The following RGS6 variants were observed in gnomAD, a reference collection of about 807,000 sequenced individuals.
The protein encoded by RGS6 is regulator of G-protein signaling 6.
In RGS6, 30 loss-of-function variants were observed where a neutral mutation model predicts 78.5. The observed-to-expected ratio is 0.38, with a 90% CI of 0.29 to 0.52. The LOEUF (loss-of-function observed/expected upper bound fraction) is 0.52, where lower values mean the gene tolerates loss of function less well. Ranked by LOEUF, RGS6 falls within the 20% of genes least tolerant of loss-of-function variation. The probability of loss-of-function intolerance (pLI) is 0.85; values close to 1 mark genes in which losing one functional copy is unlikely to be tolerated. For missense variants in RGS6, 495 were observed against 609.7 expected, an observed-to-expected ratio of 0.81 and a Z score of 1.98; for synonymous variants, 206 against 206.0, an observed-to-expected ratio of 1.00 and a Z score of 0.00.
At chr14:72,278,915 G>A (rs1567647877) in intron 2 of RGS6, among the ~76,000 whole-genome samples, 1 of 152,070 alleles carries the variant, frequency 6.6e-6, no homozygotes, top group Admixed American at 6.5e-5. Context: ...CTGGCTGTGG[G>A]CAGTGCCCTC....
intron 3 of RGS6, among the ~76,000 whole-genome samples, chr14:72,423,421 T>C (rs1313061509): frequency 1.3e-5 from 2 of 152,030 alleles, no homozygotes; most frequent in African/African-American, 4.8e-5. Context: ...TTGTTAACAA[T>C]GTATTCATTC....
At chr14:72,389,329 A>G (rs1292381086) in intron 3 of RGS6, among the ~76,000 whole-genome samples, 2 of 151,928 alleles carry the variant, frequency 1.3e-5, no homozygotes, top group Admixed American at 6.6e-5. Flanking sequence ...TCCTCAGGAG[A>G]CTGCTTTGCC....
intron 2 of RGS6, among the ~76,000 whole-genome samples, chr14:71,998,858 C>A (rs989728812): frequency 2.0e-5 from 3 of 152,190 alleles, no homozygotes; most frequent in African/African-American, 7.2e-5. Flanking sequence ...GGTCTCTCTG[C>A]AGCCTTGCCA....
At chr14:72,085,445 C>A (rs1189102439) in intron 2 of RGS6, among the ~76,000 whole-genome samples, 1 of 152,076 alleles carries the variant, frequency 6.6e-6, no homozygotes, top group Non-Finnish European at 1.5e-5. Context: ...AGTACCTGGG[C>A]CCAGATATGA....
chr14:72,458,326 C>G lies in RGS6; in HGVS notation c.291C>G (p.Ile97Met), dbSNP rs2153232884. ...LIAAQGYIFP[I>M]SDHVLTMKDD... ...CTGCCCAGGGCTACATCTTTCCAAT[C>G]TCAGACCATGTTCTCACCATGAAGG... Residue 97 changes from isoleucine (I) to methionine (M), a missense_variant, in exon 5 of 18, where the codon ATC (isoleucine) becomes ATG (methionine). Physicochemically the swap from Ile to Met is conservative, Grantham distance 10 (BLOSUM62 1). Coordinates refer to ENST00000553525, the MANE Select transcript of RGS6 (RefSeq NM_001204424.2). 6.2e-7 allele frequency: 1 copy of G among 1,614,214 alleles called. No individual in the cohort carries two copies. Among genetic ancestry groups the G allele is most frequent in the Non-Finnish European group, 8.5e-7 (1 of 1,180,014 alleles).
chr14:72,548,359 G>T (rs2097443443), intron 17 of RGS6, among the ~76,000 whole-genome samples: 1 of 148,730 alleles, frequency 6.7e-6, no homozygotes, highest in South Asian at 2.1e-4. Context: ...GTGTGTGTGT[G>T]TGTGTGTGTG....
chr14:72,388,971 T>TAC (rs2089173011), intron 3 of RGS6, among the ~76,000 whole-genome samples: 1 of 150,096 alleles, frequency 6.7e-6, no homozygotes, highest in African/African-American at 2.5e-5. Context: ...AGTAGTAGTA[T>TAC]TGTTACTGTG....
intron 2 of RGS6, among the ~76,000 whole-genome samples, chr14:72,143,833 A>G (rs1175637048): frequency 6.6e-6 from 1 of 152,244 alleles, no homozygotes; most frequent in Non-Finnish European, 1.5e-5. Flanking sequence ...CTGTAATAAA[A>G]CATAATGCAG....
intron 2 of RGS6, among the ~76,000 whole-genome samples, chr14:72,145,593 C>G (rs1463146992): frequency 6.6e-6 from 1 of 152,186 alleles, no homozygotes; most frequent in Non-Finnish European, 1.5e-5. Flanking sequence ...ATTCTTGTGT[C>G]TCAGCCTCCC....
intron 2 of RGS6, among the ~76,000 whole-genome samples, chr14:72,020,150 C>G (rs2088064706): frequency 6.6e-6 from 1 of 152,182 alleles, no homozygotes; most frequent in Non-Finnish European, 1.5e-5. Flanking sequence ...CCCAGTATAT[C>G]TGGAGTAGTC....
intron 12 of RGS6, among the ~76,000 whole-genome samples, chr14:72,479,176 G>T (rs2096311533): frequency 6.6e-6 from 1 of 152,110 alleles, no homozygotes; most frequent in South Asian, 2.1e-4. Flanking sequence ...AAGCCTGTAA[G>T]CCTTTCTCTG....
chr14:72,349,394 A>G (rs1330448511), intron 2 of RGS6, among the ~76,000 whole-genome samples: 1 of 152,152 alleles, frequency 6.6e-6, no homozygotes, highest in Non-Finnish European at 1.5e-5. Flanking sequence ...CCCTGTTCAT[A>G]TCACATTCAA....
the RGS6 span, among the ~76,000 whole-genome samples, chr14:72,583,820 A>T: frequency 6.6e-6 from 1 of 152,118 alleles, no homozygotes; most frequent in Non-Finnish European, 1.5e-5. Context: ...TCCTGGAAAA[A>T]ATTCTGGAAG....
intron 3 of RGS6, among the ~76,000 whole-genome samples, chr14:72,428,537 C>T (rs2094511879): frequency 6.6e-6 from 1 of 152,120 alleles, no homozygotes; most frequent in Non-Finnish European, 1.5e-5. Context: ...GAGGCTCAGC[C>T]CTCTCTGGAT....
At chr14:72,098,424 C>T (rs1006078792) in intron 2 of RGS6, among the ~76,000 whole-genome samples, 5 of 152,218 alleles carry the variant, frequency 3.3e-5, no homozygotes, top group Admixed American at 1.3e-4. Flanking sequence ...TAGCACTCCC[C>T]GTGCCTTCAT....
At chr14:72,336,349 T>C (rs1056927611) in intron 2 of RGS6, among the ~76,000 whole-genome samples, 1 of 152,202 alleles carries the variant, frequency 6.6e-6, no homozygotes, top group African/African-American at 2.4e-5. Flanking sequence ...GCATTCATTC[T>C]TATCCCCTAA....
At chr14:72,231,054 G>A (rs1331805768) in intron 2 of RGS6, among the ~76,000 whole-genome samples, 1 of 152,092 alleles carries the variant, frequency 6.6e-6, no homozygotes, top group Non-Finnish European at 1.5e-5. Flanking sequence ...TTGTTAAACT[G>A]ATTGATGATT....
intron 9 of RGS6, among the ~76,000 whole-genome samples, 167 bp from the exon 10 acceptor site, chr14:72,474,458 G>A (rs1330579848): frequency 2.6e-5 from 4 of 151,982 alleles, no homozygotes; most frequent in African/African-American, 4.8e-5. Context: ...TTTCTAGATC[G>A]TATGGGAACT....
intron 2 of RGS6, among the ~76,000 whole-genome samples, chr14:72,065,281 C>G (rs967259523): frequency 6.6e-6 from 1 of 152,176 alleles, no homozygotes; most frequent in Non-Finnish European, 1.5e-5. Flanking sequence ...TTACAAATTG[C>G]ATTTTTTCCT....
Sources: gnomAD v4.1 joint callset for allele counts (sites outside exome capture counted in the v4.1 genomes callset) on GRCh38, gnomAD v4.1.1 for gene constraint, MANE v1.5 for transcripts, NCBI Gene and HGNC (gene_info 2026-07-23, HGNC 2026-07-21) for gene names.